The following PTCHD1 variants were observed in gnomAD, a reference collection of about 807,000 sequenced individuals.
PTCHD1 encodes the protein patched domain containing 1.
In PTCHD1, 3 loss-of-function variants were observed where a neutral mutation model predicts 34.6. That is an observed-to-expected ratio of 0.09 (90% CI 0.04 to 0.22). The LOEUF (loss-of-function observed/expected upper bound fraction) is 0.22, where lower values mean the gene tolerates loss of function less well. Ranked by LOEUF, PTCHD1 falls within the 10% of genes least tolerant of loss-of-function variation. PTCHD1 has a pLI of 1.00. For missense variants in PTCHD1, 504 were observed against 685.5 expected (o/e 0.74, Z 2.96); for synonymous variants, 305 against 283.1 (o/e 1.08, Z -0.77).
At chrX:23,342,472 G>C (rs749312200) in intron 1 of PTCHD1, among the ~76,000 whole-genome samples, 33 of 106,544 alleles carry the variant, frequency 3.1e-4, no homozygotes, top group Admixed American at 1.3e-3. Flanking sequence ...GTTATACATC[G>C]AGAGATTTAG....
At chrX:23,346,217 T>C (rs753929925) in intron 1 of PTCHD1, among the ~76,000 whole-genome samples, 63 of 112,337 alleles carry the variant, frequency 5.6e-4, no homozygotes, top group African/African-American at 1.9e-3. Context: ...GTCCCAGTAC[T>C]GTGGTTCTGT....
chrX:23,387,773 A>G (rs1218706650), intron 2 of PTCHD1, among the ~76,000 whole-genome samples: 1 of 111,939 alleles, frequency 8.9e-6, no homozygotes, highest in East Asian at 2.8e-4. Flanking sequence ...GTGTTTTTAC[A>G]TACTGATATG....
intron 1 of PTCHD1, among the ~76,000 whole-genome samples, chrX:23,335,758 A>T (rs1177511728): frequency 9.0e-6 from 1 of 110,921 alleles, no homozygotes; most frequent in Non-Finnish European, 1.9e-5. Context: ...GTGAGGCGGG[A>T]TGGTGATGAA....
At chrX:23,359,352 G>A in intron 1 of PTCHD1, among the ~76,000 whole-genome samples, 1 of 111,899 alleles carries the variant, frequency 8.9e-6, no homozygotes, top group East Asian at 2.8e-4. Context: ...TCTCCTTGAG[G>A]AGGTCCTTCA....
chrX:23,362,270 G>A (rs1166684400), intron 1 of PTCHD1, among the ~76,000 whole-genome samples: 6 of 111,698 alleles, frequency 5.4e-5, no homozygotes, highest in African/African-American at 1.3e-4. Context: ...CATTCTCCCC[G>A]TCACTTTCAG....
At position 23,399,895 on chromosome X, in the gene PTCHD1, A is replaced by G. The variant is rs2146658019; in HGVS notation, c.*5710A>G. On this transcript the variant is annotated 3_prime_UTR_variant, in exon 3 of 3. Coordinates refer to ENST00000379361, the MANE Select transcript of PTCHD1 (RefSeq NM_173495.3). ...CCATCCCACACACACATACACACAT[A>G]AAGGCAGCAGCCAACAAAGCCAACA... The G allele has an allele frequency of 9.0e-6, 1 of 111,675 alleles. No individual in the cohort carries two copies. Among genetic ancestry groups the G allele is most frequent in the Admixed American group, 9.5e-5 (1 of 10,522 alleles). 9.2% of individuals were successfully genotyped at this position (111,675 alleles called of 1,213,427 possible).
Position 23,383,692 on chromosome X carries a change from A to G in PTCHD1, c.1012+3441A>G, listed in dbSNP as rs6629617. ...CATACTAGACAATCCCACTTCTGCC[A>G]AAACCTCTGTCCAGATGAGTCATAT... On this transcript the variant is annotated intron_variant, in intron 2 of 2. Transcript: ENST00000379361. 0.02 allele frequency among the ~76,000 whole-genome samples: 2,260 copies of G among 111,841 alleles called. 148 individuals carry two copies. The East Asian group carries it at 0.27, about 13-fold the overall frequency.
At chrX:23,359,985 C>A (rs1325971012) in intron 1 of PTCHD1, among the ~76,000 whole-genome samples, 5 of 112,035 alleles carry the variant, frequency 4.5e-5, no homozygotes, top group Non-Finnish European at 9.4e-5. Flanking sequence ...AGCCTTGCAT[C>A]TCAGGGATGA....
chrX:23,347,165 A>C (rs1411803821), intron 1 of PTCHD1, among the ~76,000 whole-genome samples: 1 of 111,781 alleles, frequency 8.9e-6, no homozygotes, highest in Non-Finnish European at 1.9e-5. Flanking sequence ...AACAGGGGTC[A>C]GGGATTCAAA....
intron 1 of PTCHD1, among the ~76,000 whole-genome samples, chrX:23,360,619 T>G (rs1921952674): frequency 8.9e-6 from 1 of 111,784 alleles, no homozygotes; most frequent in Non-Finnish European, 1.9e-5. Context: ...TCACTGATTT[T>G]TTGAAGGGTT....
intron 1 of PTCHD1, among the ~76,000 whole-genome samples, chrX:23,342,265 CCTATATATATATATATATATAT>C (rs1312498555): frequency 6.6e-4 from 38 of 57,492 alleles, no homozygotes; most frequent in African/African-American, 1.5e-3. Flanking sequence ...TGTGTTTCTC[CCTATATATATATATATATATAT>C]ATATATATAT....
intron 1 of PTCHD1, 85 bp downstream of exon 1, chrX:23,335,311 G>A (rs931184933): frequency 7.6e-6 from 6 of 793,225 alleles, no homozygotes; most frequent in East Asian, 6.7e-5. Context: ...GGCTGAGAGC[G>A]CCACCTCTCC....
rs368004665 is a variant in PTCHD1, at chrX:23,394,198, G to A, written c.*13G>A. ...TACAACAGTGTGATAATGTCTGCTT[G>A]GCATATTTTCACCTTAGGTCTTATC... On this transcript the variant is annotated 3_prime_UTR_variant, in exon 3 of 3. Transcript: ENST00000379361. 1.5e-5 allele frequency: 17 copies of A among 1,135,138 alleles called. No individual in the cohort carries two copies. In the African/African-American group the frequency reaches 2.8e-4, roughly 18 times the overall value. 93.5% of individuals were successfully genotyped at this position (1,135,138 alleles called of 1,213,427 possible). A position where few individuals can be genotyped will look rare whatever the true frequency, so the allele number is the denominator to read the frequency against.
chrX:23,353,621 AC>A (rs1319953558), intron 1 of PTCHD1, among the ~76,000 whole-genome samples: 7 of 109,056 alleles, frequency 6.4e-5, no homozygotes, highest in Non-Finnish European at 9.5e-5. Flanking sequence ...AAAAAAAAAA[AC>A]GTAAGCTAAG....
intron 2 of PTCHD1, among the ~76,000 whole-genome samples, chrX:23,387,640 G>T (rs1922717661): frequency 9.0e-6 from 1 of 111,674 alleles, no homozygotes; most frequent in Non-Finnish European, 1.9e-5. Flanking sequence ...CTCAACATTA[G>T]TGAAGAGCCC....
chrX:23,341,904 A>G (rs754155418), intron 1 of PTCHD1, among the ~76,000 whole-genome samples: 15 of 111,726 alleles, frequency 1.3e-4, no homozygotes, highest in African/African-American at 4.5e-4. Context: ...AAAGATCCCC[A>G]TTGTTAGGTC....
chrX:23,372,955 G>A (rs1230604374), intron 1 of PTCHD1, among the ~76,000 whole-genome samples: 3 of 112,102 alleles, frequency 2.7e-5, no homozygotes, highest in African/African-American at 9.7e-5. Flanking sequence ...TAATATGAAG[G>A]ATTTTTTCAC....
In PTCHD1 at chrX:23,335,142, C is replaced by A. The variant is rs774776783; in HGVS notation, c.267C>A (p.Thr89=). The stretch of plus-strand genomic sequence containing the variant: ...ACCGTCTCTACTCGGACCTGCAGAC[C>A]CCCGGGCGCTACGGCCGGGTCATCG... ...SKHRLYSDLQ[T]PGRYGRVIVT... Residue 89 remains threonine, a synonymous_variant, in exon 1 of 3, where the codon ACC becomes ACA. Transcript: ENST00000379361. The A allele has an allele frequency of 8.3e-7, 1 of 1,211,985 alleles. No individual in the cohort carries two copies. The highest frequency in any genetic ancestry group is 1.1e-6 in the Non-Finnish European group (1 of 895,377).
Position 23,334,866 on chromosome X carries a change from C to T in PTCHD1, c.-10C>T. ...GCCTCGCCCTCCTCCCGCGCCCGCT[C>T]TGCTCTAGGATGCTGCGGCAGGTTC... On this transcript the variant is annotated 5_prime_UTR_variant, in exon 1 of 3. Coordinates refer to ENST00000379361, the MANE Select transcript of PTCHD1 (RefSeq NM_173495.3). 2 of 1,163,702 alleles carry T rather than the reference C, an allele frequency of 1.7e-6. No homozygotes were observed. The highest frequency in any genetic ancestry group is 2.3e-6 in the Non-Finnish European group (2 of 868,777).
Sources: gnomAD v4.1 joint callset for allele counts (sites outside exome capture counted in the v4.1 genomes callset) on GRCh38, gnomAD v4.1.1 for gene constraint, MANE v1.5 for transcripts, NCBI Gene and HGNC (gene_info 2026-07-23, HGNC 2026-07-21) for gene names.